ZNF280D: variants seen among roughly 807,000 people sequenced by gnomAD.
The protein encoded by ZNF280D is suppressor of hairy wing homolog 4.
ZNF280D carries 39 observed loss-of-function variants against 94.7 expected under a neutral mutation model. The ratio of observed to expected loss-of-function variants is 0.41; its 90% CI spans 0.32 to 0.54. The LOEUF (loss-of-function observed/expected upper bound fraction) is 0.54, where lower values mean the gene tolerates loss of function less well. Among genes scored for constraint, ZNF280D ranks in the 20% least tolerant of loss-of-function variants. The pLI is 0.22. For missense variants in ZNF280D, 1,090 were observed against 1,149.3 expected (o/e 0.95, Z 0.75); for synonymous variants, 398 against 377.6 (o/e 1.05, Z -0.63).
intron 1 of ZNF280D, among the ~76,000 whole-genome samples, chr15:56,708,804 T>C (rs1407920658): frequency 6.6e-6 from 1 of 152,120 alleles, no homozygotes; most frequent in Non-Finnish European, 1.5e-5. Flanking sequence ...TGGCTAGCCA[T>C]ATGTAGAAAG....
intron 6 of ZNF280D, chr15:56,699,502 A>G: frequency 2.3e-6 from 2 of 878,350 alleles, no homozygotes; most frequent in Non-Finnish European, 2.7e-6. Flanking sequence ...AACTAACATG[A>G]CTGAAATAAA....
intron 10 of ZNF280D, among the ~76,000 whole-genome samples, chr15:56,681,692 G>A (rs1395474919): frequency 2.0e-5 from 3 of 151,996 alleles, no homozygotes; most frequent in Admixed American, 6.6e-5. Flanking sequence ...AATATTTAAA[G>A]CATTCATATA....
chr15:56,665,932 T>C (rs1465854532), intron 16 of ZNF280D, among the ~76,000 whole-genome samples: 1 of 152,118 alleles, frequency 6.6e-6, no homozygotes, highest in Non-Finnish European at 1.5e-5. Context: ...GGTCAGCAGT[T>C]TGAGACCAGC....
chr15:56,700,243 G>C, intron 6 of ZNF280D: 1 of 886,556 alleles, frequency 1.1e-6, no homozygotes, highest in Non-Finnish European at 1.4e-6. Context: ...GGTTAGGCTG[G>C]ATTGAAATCC....
Position 56,644,719 on chromosome 15 carries a change from C to T in ZNF280D, c.2214-1722G>A, listed in dbSNP as rs551296129. 2.0e-4 allele frequency among the ~76,000 whole-genome samples: 30 copies of T among 152,186 alleles called. No homozygotes were observed. In the South Asian group the frequency reaches 6.0e-3, roughly 30 times the overall value. Reference sequence around the variant, plus strand: ...TGTATGCAGCTATTAAAATGAGCCCCGTTAAGTATGTTCATTATTGCTGGC... The same window carrying T: ...TGTATGCAGCTATTAAAATGAGCCCTGTTAAGTATGTTCATTATTGCTGGC... On this transcript the variant is annotated intron_variant, in intron 19 of 21. Coordinates refer to ENST00000267807, the MANE Select transcript of ZNF280D (RefSeq NM_017661.4).
intron 1 of ZNF280D, among the ~76,000 whole-genome samples, chr15:56,728,822 T>C (rs543040033): frequency 2.5e-4 from 38 of 152,168 alleles, no homozygotes; most frequent in Admixed American, 5.9e-4. Flanking sequence ...ATAAATTACA[T>C]GAGATACTCA....
chr15:56,654,127 T>C (rs2140681733), intron 19 of ZNF280D, 71 bp downstream of exon 19: 5 of 1,562,420 alleles, frequency 3.2e-6, no homozygotes, highest in Non-Finnish European at 4.3e-6. Context: ...TTCGTATTAA[T>C]GATACATTTA....
chr15:56,693,639 A>G (rs959269488), intron 6 of ZNF280D, among the ~76,000 whole-genome samples: 1 of 152,086 alleles, frequency 6.6e-6, no homozygotes, highest in Non-Finnish European at 1.5e-5. Flanking sequence ...GAACTTAGCA[A>G]AATCTTTGGG....
Position 56,654,399 on chromosome 15 carries a change from A to G in ZNF280D, c.2162T>C (p.Val721Ala). Residue 721 changes from valine to alanine, a missense_variant, in exon 18 of 22, where the codon GTT becomes GCT. By Grantham distance (64) the Val-to-Ala change is moderately conservative (BLOSUM62 0). Transcript: ENST00000267807. Reference sequence around the variant, plus strand: ...CATATACGTACCTTTCTGCATTACAACTTGGCAAGTATGAGTTTTATGTTG... The same window carrying G: ...CATATACGTACCTTTCTGCATTACAGCTTGGCAAGTATGAGTTTTATGTTG... The part of the protein sequence containing the change: ...LSQHKTHTCQ[V>A]VMQKVSVCIP... 1 of 1,605,788 alleles carries G rather than the reference A, an allele frequency of 6.2e-7. No individual in the cohort carries two copies. Among genetic ancestry groups the G allele is most frequent in the South Asian group, 1.1e-5 (1 of 88,978 alleles).
intron 4 of ZNF280D, among the ~76,000 whole-genome samples, chr15:56,702,910 A>AAC (rs59095987): frequency 0.019 from 2,595 of 135,718 alleles, 61 homozygotes; most frequent in African/African-American, 0.052. Context: ...ATGGTAAGTA[A>AAC]ACACACACAC....
intron 9 of ZNF280D, among the ~76,000 whole-genome samples, chr15:56,685,253 C>T (rs983346760): frequency 6.6e-6 from 1 of 151,770 alleles, no homozygotes; most frequent in African/African-American, 2.4e-5. Flanking sequence ...AAACAGAAAA[C>T]GAAATAAACC....
chr15:56,690,309 G>A (rs1178765142), intron 7 of ZNF280D, among the ~76,000 whole-genome samples: 3 of 152,166 alleles, frequency 2.0e-5, no homozygotes, highest in African/African-American at 7.2e-5. Flanking sequence ...ATGAACCTGG[G>A]AGGCGGTGCT....
At chr15:56,676,562 T>C (rs2055247253) in intron 13 of ZNF280D, 108 bp downstream of exon 13, 2 of 981,008 alleles carry the variant, frequency 2.0e-6, no homozygotes, top group East Asian at 5.5e-5. Flanking sequence ...TAGTGTCATT[T>C]GGAACAACTC....
chr15:56,700,633 G>T, intron 6 of ZNF280D: 1 of 1,283,306 alleles, frequency 7.8e-7, no homozygotes, highest in Non-Finnish European at 9.9e-7. Context: ...TTAAATATTT[G>T]TCATTATGCA....
chr15:56,691,636 T>A (rs1478958950), intron 7 of ZNF280D, among the ~76,000 whole-genome samples: 1 of 152,162 alleles, frequency 6.6e-6, no homozygotes, highest in African/African-American at 2.4e-5. Context: ...CATTCAAGAT[T>A]TAGCTCAAAT....
At chr15:56,694,294 TAC>T (rs57017142) in intron 6 of ZNF280D, among the ~76,000 whole-genome samples, 43,689 of 137,870 alleles carry the variant, frequency 0.32, 6,746 homozygotes, top group Non-Finnish European at 0.37. Flanking sequence ...TAATGACACA[TAC>T]ACACACACAC....
At chr15:56,729,531 C>CT in intron 1 of ZNF280D, among the ~76,000 whole-genome samples, 1 of 152,282 alleles carries the variant, frequency 6.6e-6, no homozygotes, top group South Asian at 2.1e-4. Context: ...CTGAAGTGAT[C>CT]TGTATTACAA....
intron 20 of ZNF280D, among the ~76,000 whole-genome samples, chr15:56,640,518 A>T (rs2052577791): frequency 6.6e-6 from 1 of 151,700 alleles, no homozygotes; most frequent in African/African-American, 2.4e-5. Flanking sequence ...CATTAGCTTA[A>T]ACTTAAAGAT....
chr15:56,657,871 A>G (rs1051071101), intron 17 of ZNF280D, among the ~76,000 whole-genome samples: 5 of 152,128 alleles, frequency 3.3e-5, no homozygotes, highest in African/African-American at 1.2e-4. Context: ...AATCATAAGT[A>G]TATACTAAAG....
Sources: gnomAD v4.1 joint callset for allele counts (sites outside exome capture counted in the v4.1 genomes callset) on GRCh38, gnomAD v4.1.1 for gene constraint, MANE v1.5 for transcripts, NCBI Gene and HGNC (gene_info 2026-07-23, HGNC 2026-07-21) for gene names.